The following RNF220 variants were observed in gnomAD, a reference collection of about 807,000 sequenced individuals.
The protein encoded by RNF220 is E3 ubiquitin-protein ligase RNF220.
In RNF220, 7 loss-of-function variants were observed where a neutral mutation model predicts 67.1. That is an observed-to-expected ratio of 0.10 (90% confidence interval 0.06 to 0.20). The LOEUF is 0.20. Ranked by LOEUF, RNF220 falls within the 10% of genes least tolerant of loss-of-function variation. The pLI is 1.00. For synonymous variants in RNF220, 270 were observed against 283.2 expected (o/e 0.95, Z 0.47); for missense variants, 565 against 740.3 (o/e 0.76, Z 2.75).
At chr1:44,634,513 C>T (rs1644267402) in intron 6 of RNF220, among the ~76,000 whole-genome samples, 1 of 152,178 alleles carries the variant, frequency 6.6e-6, no homozygotes, top group African/African-American at 2.4e-5. Context: ...GGTCACTGTC[C>T]ATGAGAAAGT....
At chr1:44,452,217 C>T (rs1652757733) in intron 2 of RNF220, among the ~76,000 whole-genome samples, 1 of 152,080 alleles carries the variant, frequency 6.6e-6, no homozygotes, top group African/African-American at 2.4e-5. Context: ...GTGCAAACAC[C>T]ACACTGTTGT....
chr1:44,498,989 C>A (rs1213572841), intron 2 of RNF220, among the ~76,000 whole-genome samples: 2 of 152,102 alleles, frequency 1.3e-5, no homozygotes, highest in Non-Finnish European at 2.9e-5. Flanking sequence ...TAATTATACC[C>A]CTTCCTAATA....
intron 2 of RNF220, among the ~76,000 whole-genome samples, chr1:44,527,090 C>A (rs1009787592): frequency 4.0e-4 from 61 of 152,028 alleles, no homozygotes; most frequent in Non-Finnish European, 5.6e-4. Flanking sequence ...TCACCTGCCA[C>A]CTAAACACTG....
intron 2 of RNF220, among the ~76,000 whole-genome samples, chr1:44,593,261 G>A (rs1666243827): frequency 6.6e-6 from 1 of 152,202 alleles, no homozygotes; most frequent in Non-Finnish European, 1.5e-5. Flanking sequence ...TCCTGATAAG[G>A]ATTTCTTTGA....
At chr1:44,499,013 TC>T (rs1657595234) in intron 2 of RNF220, among the ~76,000 whole-genome samples, 1 of 152,124 alleles carries the variant, frequency 6.6e-6, no homozygotes, top group Admixed American at 6.5e-5. Context: ...AACTTAAACA[TC>T]CTGCTCTCCA....
Position 44,650,072 on chromosome 1 carries a change from G to T in RNF220, c.1629+115G>T. ...GGGGAGCATGGCGCAAAGGAGAACA[G>T]AGCCAGGAGCCAGGATATTTACCCG... On this transcript the variant is annotated intron_variant, in intron 14 of 14. Transcript: ENST00000361799. The surrounding 1 kb of genome is among the most constrained non-coding windows in gnomAD (Gnocchi z 4.3). 1 of 1,041,968 alleles carries T rather than the reference G, an allele frequency of 9.6e-7. No individual in the cohort carries two copies. Among genetic ancestry groups the T allele is most frequent in the Non-Finnish European group, 1.4e-6 (1 of 712,208 alleles). The allele number at this position is 1,041,968 out of a possible 1,614,324, so 64.5% of individuals were successfully genotyped here.
chr1:44,434,755 A>G (rs1186933794), intron 2 of RNF220, among the ~76,000 whole-genome samples: 5 of 151,946 alleles, frequency 3.3e-5, no homozygotes, highest in Admixed American at 1.3e-4. Context: ...TGCGTGACTA[A>G]CAGATTGATG....
intron 2 of RNF220, among the ~76,000 whole-genome samples, chr1:44,467,916 G>A (rs1486794817): frequency 6.6e-6 from 1 of 151,988 alleles, no homozygotes; most frequent in African/African-American, 2.4e-5. Context: ...TTATTAATTG[G>A]CCTAATTTCA....
intron 8 of RNF220, chr1:44,636,447 C>T (rs757080276): frequency 3.8e-5 from 27 of 717,512 alleles, no homozygotes; most frequent in South Asian, 2.1e-4. Flanking sequence ...ACAGCCAAGC[C>T]GCGTTAGCAC....
intron 2 of RNF220, among the ~76,000 whole-genome samples, chr1:44,608,921 C>T (rs1667470901): frequency 6.6e-6 from 1 of 152,200 alleles, no homozygotes; most frequent in African/African-American, 2.4e-5. Flanking sequence ...TAGTGTGTTA[C>T]TGGAGGCACT....
At chr1:44,569,933 T>C (rs950114857) in intron 2 of RNF220, among the ~76,000 whole-genome samples, 2 of 152,146 alleles carry the variant, frequency 1.3e-5, no homozygotes, top group African/African-American at 4.8e-5. Context: ...GGTATTACAC[T>C]TGGCAGTGGT....
intron 2 of RNF220, among the ~76,000 whole-genome samples, chr1:44,526,440 C>T (rs1660380710): frequency 6.6e-6 from 1 of 152,192 alleles, no homozygotes; most frequent in Non-Finnish European, 1.5e-5. Flanking sequence ...TGGCCTCACC[C>T]TGGAGGCCAT....
At chr1:44,576,237 T>C (rs1664794801) in intron 2 of RNF220, among the ~76,000 whole-genome samples, 1 of 152,186 alleles carries the variant, frequency 6.6e-6, no homozygotes. Flanking sequence ...TAGTGGTAGA[T>C]AAGGCAGAGA....
In RNF220 at chr1:44,566,873, A is replaced by G. The variant is rs75924094; in HGVS notation, c.626-47292A>G. Among the ~76,000 whole-genome samples, 19 of 152,234 alleles carry G rather than the reference A, an allele frequency of 1.2e-4. 1 individual carries two copies. The East Asian group carries it at 2.3e-3, about 19-fold the overall frequency. On this transcript the variant is annotated intron_variant, in intron 2 of 14. Coordinates refer to ENST00000361799, the MANE Select transcript of RNF220 (RefSeq NM_018150.4). ...TGGCCACTCAGAGATCACCACTAAC[A>G]TAGCTCCATTTCCTATCCCATCCCC...
chr1:44,483,390 A>G (rs947426482), intron 2 of RNF220, among the ~76,000 whole-genome samples: 7 of 152,232 alleles, frequency 4.6e-5, no homozygotes, highest in Admixed American at 2.0e-4. Flanking sequence ...AACTATGTCC[A>G]GGCTCACAGC....
intron 1 of RNF220, chr1:44,408,690 A>G (rs1050542240): frequency 6.6e-6 from 1 of 152,192 alleles, no homozygotes; most frequent in African/African-American, 2.4e-5. Context: ...TTCAGAGACC[A>G]CAAAACTGTC....
intron 2 of RNF220, among the ~76,000 whole-genome samples, chr1:44,594,068 G>C (rs1410986386): frequency 6.7e-6 from 1 of 149,680 alleles, no homozygotes; most frequent in African/African-American, 2.5e-5. Context: ...CTGGGTGACA[G>C]AGTGAGACCC....
At chr1:44,613,922 T>C (rs1557438522) in intron 2 of RNF220, among the ~76,000 whole-genome samples, 9 of 151,988 alleles carry the variant, frequency 5.9e-5, no homozygotes. Context: ...AGACATCCCA[T>C]GGGGGATGTG....
intron 2 of RNF220, among the ~76,000 whole-genome samples, chr1:44,544,112 C>G (rs993449134): frequency 6.6e-6 from 1 of 152,168 alleles, no homozygotes; most frequent in African/African-American, 2.4e-5. Context: ...AGCAAGAGGT[C>G]GGGAGGACCA....
Sources: gnomAD v4.1 joint callset for allele counts (sites outside exome capture counted in the v4.1 genomes callset) on GRCh38, gnomAD v4.1.1 for gene constraint, Gnocchi (gnomAD v3.1) non-coding constraint, MANE v1.5 for transcripts, NCBI Gene and HGNC (gene_info 2026-07-23, HGNC 2026-07-21) for gene names.